Variants in SYTL5 observed in about 807,000 individuals in gnomAD.
SYTL5 encodes the protein synaptotagmin-like protein 5.
Under a neutral mutation model 55.9 loss-of-function variants are expected in SYTL5, and 34 were observed. That is an observed-to-expected ratio of 0.61 (90% confidence interval 0.46 to 0.81). SYTL5 has a LOEUF of 0.81. Ranked by LOEUF, SYTL5 falls within the 30% of genes least tolerant of loss-of-function variation. SYTL5 has a pLI of 0.00. For missense variants in SYTL5, 637 were observed against 546.7 expected (o/e 1.17, Z -1.65); for synonymous variants, 221 against 188.7 (o/e 1.17, Z -1.40).
chrX:37,925,777 C>G, the SYTL5 span, among the ~76,000 whole-genome samples: 6 of 110,954 alleles, frequency 5.4e-5, no homozygotes, highest in African/African-American at 1.6e-4. Flanking sequence ...TCCCTCAAGT[C>G]CCCAAAGTCA....
intron 2 of SYTL5, among the ~76,000 whole-genome samples, chrX:38,042,265 G>A (rs1398402968): frequency 4.5e-5 from 5 of 110,228 alleles, no homozygotes; most frequent in Non-Finnish European, 9.5e-5. Context: ...GAGAGACTCA[G>A]TATAGGCTGG....
At chrX:37,982,379 G>T in the SYTL5 span, among the ~76,000 whole-genome samples, 3 of 111,736 alleles carry the variant, frequency 2.7e-5, no homozygotes, top group African/African-American at 9.7e-5. Context: ...TGCCCAATTT[G>T]AGGAGCAGAA....
At chrX:38,108,800 G>T (rs1937283262) in intron 12 of SYTL5, 101 bp downstream of exon 12, 1 of 496,031 alleles carries the variant, frequency 2.0e-6, no homozygotes, top group Non-Finnish European at 3.3e-6. Context: ...GTCAAGGCTT[G>T]TATATGTTTT....
chrX:37,893,450 T>A, the SYTL5 span, among the ~76,000 whole-genome samples: 17 of 95,542 alleles, frequency 1.8e-4, no homozygotes, highest in African/African-American at 6.0e-4. Context: ...AGATTGTATA[T>A]ATAATCTATA....
At chrX:37,939,250 ACTC>A in the SYTL5 span, among the ~76,000 whole-genome samples, 1 of 106,853 alleles carries the variant, frequency 9.4e-6, no homozygotes, top group Non-Finnish European at 1.9e-5. Flanking sequence ...AACAAGCAAA[ACTC>A]CTTCTAAAAA....
In SYTL5 at chrX:38,058,977, G is replaced by T. The variant is rs181950940; in HGVS notation, c.329+4555G>T. ...TTTAGATATCTTTATGCTCCCTTCT[G>T]TATTTGTTATCCATTTACATCTCTA... On this transcript the variant is annotated intron_variant, in intron 3 of 16. Transcript: ENST00000297875. Among the ~76,000 whole-genome samples, 1,064 of 110,890 alleles carry T rather than the reference G, an allele frequency of 9.6e-3. 10 individuals are homozygous for T. Among genetic ancestry groups the T allele is most frequent in the African/African-American group, 0.033 (1,023 of 30,724 alleles).
the SYTL5 span, among the ~76,000 whole-genome samples, chrX:37,925,855 A>G: frequency 1.1e-4 from 12 of 111,568 alleles, no homozygotes; most frequent in African/African-American, 3.9e-4. Flanking sequence ...AACATATGAT[A>G]TTTGGTTTTC....
At chrX:38,077,910 A>G (rs73467427) in intron 6 of SYTL5, among the ~76,000 whole-genome samples, 249 of 111,925 alleles carry the variant, frequency 2.2e-3, no homozygotes, top group African/African-American at 7.8e-3. Flanking sequence ...GCTCACATCT[A>G]TAATCCCAAT....
chrX:38,068,218 C>T (rs1290242698), intron 3 of SYTL5, among the ~76,000 whole-genome samples: 2 of 111,616 alleles, frequency 1.8e-5, no homozygotes, highest in East Asian at 5.6e-4. Flanking sequence ...ATCAGAAGCA[C>T]AATGAAATAC....
chrX:38,110,320 G>A lies in SYTL5; in HGVS notation c.1435-1G>A, dbSNP rs748069228. On this transcript the variant is annotated splice_acceptor_variant, in intron 12 of 16. Transcript: ENST00000297875. LOFTEE classifies it high-confidence loss of function. ...TGTAATGTTGTAAATCTCATTCGCA[G>A]TACACTATCAGCCATACCCAGCTGG... is the stretch of plus-strand genomic sequence containing the variant. 8.4e-7 allele frequency: 1 copy of A among 1,195,880 alleles called. No homozygotes were observed. The highest frequency in any genetic ancestry group is 1.1e-6 in the Non-Finnish European group (1 of 886,818).
chrX:38,094,460 A>C, intron 8 of SYTL5, 36 bp downstream of exon 8: 1 of 1,162,677 alleles, frequency 8.6e-7, no homozygotes, highest in East Asian at 3.0e-5. Flanking sequence ...TGTTGTTTAA[A>C]ATGACTAAAT....
At chrX:38,057,061 C>T (rs919587587) in intron 3 of SYTL5, among the ~76,000 whole-genome samples, 3 of 111,726 alleles carry the variant, frequency 2.7e-5, no homozygotes, top group Non-Finnish European at 5.7e-5. Context: ...CTTGCCCAGA[C>T]CAATGTCCTA....
At chrX:37,940,613 T>TAC in the SYTL5 span, among the ~76,000 whole-genome samples, 1 of 106,033 alleles carries the variant, frequency 9.4e-6, no homozygotes. Context: ...TGTATATATA[T>TAC]ATATATATAT....
chrX:37,936,172 G>A, the SYTL5 span, among the ~76,000 whole-genome samples: 1 of 112,113 alleles, frequency 8.9e-6, no homozygotes, highest in Non-Finnish European at 1.9e-5. Context: ...AAGAAGATAT[G>A]AAAATTATAA....
chrX:37,954,434 C>T, the SYTL5 span, among the ~76,000 whole-genome samples: 73 of 111,458 alleles, frequency 6.5e-4, no homozygotes, highest in Middle Eastern at 4.6e-3. Context: ...GATGAGTTCA[C>T]GTAAATGGGG....
At chrX:37,971,293 A>C in the SYTL5 span, among the ~76,000 whole-genome samples, 5 of 111,421 alleles carry the variant, frequency 4.5e-5, no homozygotes, top group East Asian at 1.4e-3. Flanking sequence ...TTGTGTATTA[A>C]AAGCAACTCA....
intron 13 of SYTL5, among the ~76,000 whole-genome samples, chrX:38,118,342 T>A (rs1452212798): frequency 1.8e-5 from 2 of 112,160 alleles, no homozygotes; most frequent in East Asian, 2.8e-4. Context: ...ATTTTTAATT[T>A]TTTTTTACTG....
the SYTL5 span, among the ~76,000 whole-genome samples, chrX:37,951,764 TTGGAAGTTA>T: frequency 2.7e-5 from 3 of 111,464 alleles, no homozygotes; most frequent in Non-Finnish European, 3.8e-5. Flanking sequence ...AGGGTCTTGC[TTGGAAGTTA>T]GACTTTATTC....
the SYTL5 span, chrX:37,946,422 G>C: frequency 4.7e-6 from 1 of 214,069 alleles, no homozygotes; most frequent in African/African-American, 2.9e-5. Flanking sequence ...TGAGTTTCAA[G>C]CTCCATTTGG....
Sources: allele counts gnomAD v4.1 joint callset (sites outside exome capture counted in the v4.1 genomes callset), GRCh38; gene constraint gnomAD v4.1.1; transcripts MANE v1.5; gene names NCBI Gene and HGNC (gene_info 2026-07-23, HGNC 2026-07-21).